CFAP20DC: variants seen among roughly 807,000 people sequenced by gnomAD.
CFAP20DC encodes the protein protein CFAP20DC.
Under a neutral mutation model 101.7 loss-of-function variants are expected in CFAP20DC, and 84 were observed. That is an observed-to-expected ratio of 0.83 (90% CI 0.69 to 0.99). The LOEUF (loss-of-function observed/expected upper bound fraction) is 0.99. Among genes scored for constraint, CFAP20DC ranks in the 50% least tolerant of loss-of-function variants. The pLI is 0.00. For missense variants in CFAP20DC, 1,007 were observed against 970.3 expected (o/e 1.04, Z -0.50); for synonymous variants, 359 against 351.2 (o/e 1.02, Z -0.25).
chr3:58,789,237 CT>C (rs2107621985), intron 15 of CFAP20DC, among the ~76,000 whole-genome samples: 1 of 152,234 alleles, frequency 6.6e-6, no homozygotes, highest in East Asian at 1.9e-4. Context: ...CCTTTTCTAA[CT>C]TTAACGAGAG....
At chr3:58,848,811 T>C (rs1248786555) in intron 13 of CFAP20DC, among the ~76,000 whole-genome samples, 2 of 152,196 alleles carry the variant, frequency 1.3e-5, no homozygotes, top group Non-Finnish European at 2.9e-5. Flanking sequence ...CATAATTATC[T>C]TTCTCATTAA....
At chr3:58,833,585 G>C (rs993047320) in intron 13 of CFAP20DC, among the ~76,000 whole-genome samples, 2 of 152,164 alleles carry the variant, frequency 1.3e-5, no homozygotes, top group African/African-American at 4.8e-5. Flanking sequence ...TATTGGCAAG[G>C]ATGTGGAGAA....
chr3:58,856,265 G>GACAC (rs536277954), intron 12 of CFAP20DC, among the ~76,000 whole-genome samples: 26,392 of 123,810 alleles, frequency 0.21, 3,373 homozygotes, highest in Non-Finnish European at 0.28. Flanking sequence ...TTCATCTTCT[G>GACAC]ACACACACAC....
Position 58,806,464 on chromosome 3 carries a change from A to G in CFAP20DC, c.2176-8T>C. The G allele has an allele frequency of 6.2e-7, 1 of 1,606,810 alleles. No homozygotes were observed. Among genetic ancestry groups the G allele is most frequent in the Non-Finnish European group, 8.5e-7 (1 of 1,173,324 alleles). ...GCGACCCTGGTTGACAGGCTGGAAA[A>G]GACAAAACATTTGTGAATGTTTAAT... On this transcript the variant is annotated splice_polypyrimidine_tract_variant and splice_region_variant and intron_variant, in intron 14 of 16. Coordinates refer to ENST00000482387, the MANE Select transcript of CFAP20DC (RefSeq NM_001394063.1).
chr3:58,776,109 G>C (rs535724382), intron 15 of CFAP20DC, among the ~76,000 whole-genome samples: 1 of 152,192 alleles, frequency 6.6e-6, no homozygotes, highest in East Asian at 1.9e-4. Flanking sequence ...TGGTTTGAGG[G>C]GCTAAGCCTC....
intron 5 of CFAP20DC, among the ~76,000 whole-genome samples, chr3:58,936,570 T>C (rs2087662728): frequency 6.6e-6 from 1 of 152,184 alleles, no homozygotes; most frequent in South Asian, 2.1e-4. Context: ...GTGGCACATA[T>C]ACACCATGGA....
chr3:59,008,775 G>A (rs974398489), intron 4 of CFAP20DC, among the ~76,000 whole-genome samples: 6 of 152,000 alleles, frequency 3.9e-5, no homozygotes, highest in African/African-American at 1.2e-4. Flanking sequence ...ACGAGTTAAT[G>A]GGTGCAGCAC....
At chr3:58,798,946 T>G (rs760539874) in intron 15 of CFAP20DC, among the ~76,000 whole-genome samples, 102 of 152,202 alleles carry the variant, frequency 6.7e-4, no homozygotes, top group Non-Finnish European at 2.5e-4. Context: ...CCTAACAGAC[T>G]AAAGAATAGT....
intron 15 of CFAP20DC, among the ~76,000 whole-genome samples, chr3:58,792,018 G>A (rs2072901991): frequency 6.6e-6 from 1 of 152,178 alleles, no homozygotes; most frequent in African/African-American, 2.4e-5. Context: ...TTGGGGAACA[G>A]TGTCAGTAAC....
intron 12 of CFAP20DC, among the ~76,000 whole-genome samples, chr3:58,858,031 C>A (rs1296183853): frequency 2.0e-5 from 3 of 152,080 alleles, no homozygotes; most frequent in African/African-American, 7.2e-5. Flanking sequence ...AAAATAACCA[C>A]CTTTCTCCTT....
At chr3:58,717,270 T>C (rs947875785), downstream of CFAP20DC, 4 of 174,202 alleles carry the variant, frequency 2.3e-5, no homozygotes, top group South Asian at 3.7e-4. The surrounding 1 kb of genome is among the most constrained non-coding windows in gnomAD (Gnocchi z 4.1). Flanking sequence ...GGCTTGCCAA[T>C]TGAGAGCAAA....
intron 14 of CFAP20DC, among the ~76,000 whole-genome samples, chr3:58,821,255 C>G (rs1472851117): frequency 6.6e-6 from 1 of 152,164 alleles, no homozygotes; most frequent in Non-Finnish European, 1.5e-5. Flanking sequence ...ATGTACAAAA[C>G]AACAAAAGCA....
intron 6 of CFAP20DC, among the ~76,000 whole-genome samples, chr3:58,893,282 A>G (rs2082401479): frequency 6.6e-6 from 1 of 152,038 alleles, no homozygotes; most frequent in South Asian, 2.1e-4. Context: ...CTGACCTCGC[A>G]ATCTGCCTGT....
rs562142220 is a variant in CFAP20DC, at chr3:58,857,391, A to G, written c.1593+6167T>C. ...GCATTTCTCTTTGCTTGGCATGAGC[A>G]GTTGATTATATACATAGACATATTC... On this transcript the variant is annotated intron_variant, in intron 12 of 16. Coordinates refer to ENST00000482387, the MANE Select transcript of CFAP20DC (RefSeq NM_001394063.1). 7.9e-5 allele frequency among the ~76,000 whole-genome samples: 12 copies of G among 152,270 alleles called. 1 individual carries two copies. In the South Asian group the frequency reaches 2.3e-3, roughly 29 times the overall value.
At chr3:58,858,332 T>C (rs1295456221) in intron 12 of CFAP20DC, among the ~76,000 whole-genome samples, 1 of 152,218 alleles carries the variant, frequency 6.6e-6, no homozygotes, top group East Asian at 1.9e-4. Context: ...ACAGCATATG[T>C]ATGCCGAAGA....
chr3:58,870,070 TG>T, intron 8 of CFAP20DC, 102 bp downstream of exon 8: 1 of 1,049,832 alleles, frequency 9.5e-7, no homozygotes, highest in Non-Finnish European at 1.4e-6. Flanking sequence ...TCTGTCTGTC[TG>T]TCTGTCTGTC....
downstream of CFAP20DC, among the ~76,000 whole-genome samples, chr3:58,741,853 T>C (rs372463765): frequency 6.6e-6 from 1 of 152,058 alleles, no homozygotes; most frequent in South Asian, 2.1e-4. Context: ...AATAATGAAA[T>C]GGAAATAGTG....
intron 14 of CFAP20DC, among the ~76,000 whole-genome samples, chr3:58,807,788 C>A (rs956832492): frequency 4.6e-5 from 7 of 152,066 alleles, no homozygotes; most frequent in South Asian, 4.1e-4. Context: ...GAAATTCAAA[C>A]CAAAGGCAAA....
chr3:58,847,314 T>C (rs1478692801), intron 13 of CFAP20DC, among the ~76,000 whole-genome samples: 1 of 145,334 alleles, frequency 6.9e-6, no homozygotes, highest in Non-Finnish European at 1.5e-5. Context: ...CAAACAAATT[T>C]ACAAGAAAAA....
Sources: allele counts gnomAD v4.1 joint callset (sites outside exome capture counted in the v4.1 genomes callset), GRCh38; gene constraint gnomAD v4.1.1; non-coding constraint Gnocchi (gnomAD v3.1); transcripts MANE v1.5; gene names NCBI Gene and HGNC (gene_info 2026-07-23, HGNC 2026-07-21).